INO80D: variants seen among roughly 807,000 people sequenced by gnomAD.
INO80D encodes INO80 complex subunit D.
In INO80D, 21 loss-of-function variants were observed where a neutral mutation model predicts 87.6. The ratio of observed to expected loss-of-function variants is 0.24; its 90% CI spans 0.17 to 0.35. The LOEUF (loss-of-function observed/expected upper bound fraction) is 0.35. Among genes scored for constraint, INO80D ranks in the 10% least tolerant of loss-of-function variants. INO80D has a pLI of 1.00. For synonymous variants in INO80D, 440 were observed against 491.0 expected (o/e 0.90, Z 1.37); for missense variants, 982 against 1,280.7 (o/e 0.77, Z 3.56).
At chr2:206,021,686 C>T (rs1185462802) in intron 6 of INO80D, among the ~76,000 whole-genome samples, 5 of 152,158 alleles carry the variant, frequency 3.3e-5, no homozygotes, top group Non-Finnish European at 7.3e-5. Flanking sequence ...GATCTCGACT[C>T]ACTGCAACCC....
Position 206,009,686 on chromosome 2 carries a change from T to C in INO80D, c.1651A>G (p.Arg551Gly). The C allele has an allele frequency of 6.2e-7, 1 of 1,613,950 alleles. No homozygotes were observed. The highest frequency in any genetic ancestry group is 8.5e-7 in the Non-Finnish European group (1 of 1,179,862). The change falls in exon 9 of 11, where the codon AGA (arginine) becomes GGA (glycine). Residue 551 changes from arginine to glycine, a missense_variant. Physicochemically the swap from Arg to Gly is moderately radical, Grantham distance 125. Coordinates refer to ENST00000403263, the MANE Select transcript of INO80D (RefSeq NM_017759.5). ...TGGGGTCGACGAGGTCCACGCCTTC[T>C]CTTCTTCTTGTGTTTTTTGGTTAGT... ...PALTKKHKKK[R>G]RRGPRRPQKP...
intron 4 of INO80D, among the ~76,000 whole-genome samples, chr2:206,050,751 G>A (rs1689336918): frequency 6.6e-6 from 1 of 151,908 alleles, no homozygotes; most frequent in Non-Finnish European, 1.5e-5. Flanking sequence ...GGCGGATCAC[G>A]AGGTCAGGAG....
chr2:206,030,831 C>T (rs1358270055), intron 5 of INO80D, among the ~76,000 whole-genome samples: 1 of 152,066 alleles, frequency 6.6e-6, no homozygotes, highest in Admixed American at 6.6e-5. Context: ...ACAATGATTA[C>T]AGTCAGCAGC....
chr2:206,066,813 A>G (rs924894219), intron 1 of INO80D, among the ~76,000 whole-genome samples: 2 of 151,800 alleles, frequency 1.3e-5, no homozygotes, highest in South Asian at 2.1e-4. Context: ...ACAAAAAAAA[A>G]AAAAAGAAAA....
chr2:206,059,936 G>A (rs1431059987), intron 3 of INO80D, among the ~76,000 whole-genome samples: 2 of 152,178 alleles, frequency 1.3e-5, no homozygotes, highest in Admixed American at 1.3e-4. Flanking sequence ...TGGCGTGGTG[G>A]CTCATGTCTA....
chr2:206,043,493 T>C (rs1689109220), intron 5 of INO80D, among the ~76,000 whole-genome samples: 1 of 147,214 alleles, frequency 6.8e-6, no homozygotes, highest in African/African-American at 2.5e-5. Flanking sequence ...TTTCATTTCT[T>C]TTCCTTTTTT....
In INO80D at chr2:205,999,322, G is replaced by C. The variant is rs1385695484; in HGVS notation, c.*5046C>G. On this transcript the variant is annotated 3_prime_UTR_variant, in exon 11 of 11. Transcript: ENST00000403263. The stretch of plus-strand genomic sequence containing the variant: ...CTGTGGTGGGCAGACGCAAGAAGGC[G>C]AAAGAGAAGATGGAAAGCTGTGCTG... 6.6e-6 allele frequency: 1 copy of C among 152,326 alleles called. No individual in the cohort carries two copies. 9.4% of individuals were successfully genotyped at this position (152,326 alleles called of 1,614,324 possible). A position where few individuals can be genotyped will look rare whatever the true frequency, so the allele number is the denominator to read the frequency against.
At chr2:206,027,895 T>G (rs1688659055) in intron 6 of INO80D, among the ~76,000 whole-genome samples, 2 of 152,204 alleles carry the variant, frequency 1.3e-5, no homozygotes, top group African/African-American at 4.8e-5. Flanking sequence ...TAATCAAACT[T>G]CAGCAAAATT....
At chr2:206,019,544 A>G (rs960574272) in intron 7 of INO80D, among the ~76,000 whole-genome samples, 192 bp downstream of exon 7, 10 of 152,198 alleles carry the variant, frequency 6.6e-5, no homozygotes, top group Admixed American at 6.5e-4. Context: ...AATTTTGCTT[A>G]TTTTTTGTGA....
At chr2:206,080,288 A>G (rs1363560688) in intron 1 of INO80D, among the ~76,000 whole-genome samples, 2 of 152,092 alleles carry the variant, frequency 1.3e-5, no homozygotes, top group Non-Finnish European at 2.9e-5. Context: ...TGCCTTCAAA[A>G]CCATGCAACA....
chr2:206,083,595 T>C (rs541763143), intron 1 of INO80D, among the ~76,000 whole-genome samples: 4 of 152,136 alleles, frequency 2.6e-5, no homozygotes, highest in East Asian at 1.9e-4. Flanking sequence ...TCTATCATTG[T>C]GGAGAAACAG....
intron 1 of INO80D, among the ~76,000 whole-genome samples, chr2:206,079,849 C>T (rs927830322): frequency 1.3e-5 from 2 of 152,214 alleles, no homozygotes; most frequent in African/African-American, 4.8e-5. Context: ...CCTCCTCCAA[C>T]TCCTGGGAGG....
intron 1 of INO80D, among the ~76,000 whole-genome samples, chr2:206,074,918 G>A (rs1446249107): frequency 4.6e-5 from 7 of 150,844 alleles, no homozygotes; most frequent in Non-Finnish European, 7.4e-5. Flanking sequence ...CAGCCTGGAC[G>A]ACAAGAGCGA....
intron 5 of INO80D, among the ~76,000 whole-genome samples, chr2:206,038,167 C>T (rs1052358335): frequency 1.3e-5 from 2 of 152,058 alleles, no homozygotes; most frequent in Non-Finnish European, 2.9e-5. Flanking sequence ...CCCTAAAAGC[C>T]CTGACTTGAT....
intron 6 of INO80D, among the ~76,000 whole-genome samples, chr2:206,023,321 G>A (rs946013006): frequency 6.6e-6 from 1 of 151,928 alleles, no homozygotes; most frequent in African/African-American, 2.4e-5. Flanking sequence ...CTTTAATACC[G>A]AAAATATCAA....
intron 4 of INO80D, among the ~76,000 whole-genome samples, chr2:206,050,319 C>T (rs372173249): frequency 1.5e-4 from 22 of 151,166 alleles, no homozygotes; most frequent in African/African-American, 4.9e-4. Context: ...ACTGAAACCC[C>T]GTCTCTACTA....
intron 6 of INO80D, among the ~76,000 whole-genome samples, chr2:206,026,531 G>C (rs1166998009): frequency 6.6e-6 from 1 of 151,038 alleles, no homozygotes; most frequent in Non-Finnish European, 1.5e-5. Context: ...GGGTGACAGG[G>C]CAAGGCTCCG....
At position 206,010,722 on chromosome 2, in the gene INO80D, C is replaced by T. The variant is rs181375273; in HGVS notation, c.1543-928G>A. ...AAACAGGTTTAATCCTACTCAAATG[C>T]TTGAATGTAAACAATTACAGATTAA... is the stretch of plus-strand genomic sequence containing the variant. On this transcript the variant is annotated intron_variant, in intron 8 of 10. Coordinates refer to ENST00000403263, the MANE Select transcript of INO80D (RefSeq NM_017759.5). Among the ~76,000 whole-genome samples the T allele has an allele frequency of 2.0e-4, 31 of 152,248 alleles. No homozygotes were observed. In the East Asian group the frequency reaches 5.6e-3, roughly 27 times the overall value.
At chr2:206,045,866 C>G (rs1283740794) in intron 5 of INO80D, among the ~76,000 whole-genome samples, 1 of 152,142 alleles carries the variant, frequency 6.6e-6, no homozygotes, top group African/African-American at 2.4e-5. Flanking sequence ...CTCCACGTAG[C>G]CCCCCAAGGG....
Sources: allele counts gnomAD v4.1 joint callset (sites outside exome capture counted in the v4.1 genomes callset), GRCh38; gene constraint gnomAD v4.1.1; transcripts MANE v1.5; gene names NCBI Gene and HGNC (gene_info 2026-07-23, HGNC 2026-07-21).